GTF2B: variants seen among roughly 807,000 people sequenced by gnomAD.
The protein encoded by GTF2B is transcription initiation factor IIB.
In GTF2B, 20 loss-of-function variants were observed where a neutral mutation model predicts 34.6. That is an observed-to-expected ratio of 0.58 (90% CI 0.41 to 0.84). The LOEUF (loss-of-function observed/expected upper bound fraction) is 0.84, where lower values mean the gene tolerates loss of function less well. Ranked by LOEUF, GTF2B falls within the 40% of genes least tolerant of loss-of-function variation. The probability of loss-of-function intolerance (pLI) is 0.00; values close to 1 mark genes in which losing one functional copy is unlikely to be tolerated. For synonymous variants in GTF2B, 142 were observed against 132.4 expected (o/e 1.07, Z -0.50); for missense variants, 237 against 393.3 (o/e 0.60, Z 3.36).
At chr1:88,869,368 C>T (rs1371015290) in intron 2 of GTF2B, among the ~76,000 whole-genome samples, 2 of 152,166 alleles carry the variant, frequency 1.3e-5, no homozygotes, top group Non-Finnish European at 2.9e-5. Flanking sequence ...CCATTAGAAA[C>T]AACCCATCAA....
intron 3 of GTF2B, among the ~76,000 whole-genome samples, chr1:88,862,355 A>T (rs1450014167): frequency 2.0e-5 from 3 of 152,142 alleles, no homozygotes; most frequent in Non-Finnish European, 4.4e-5. Flanking sequence ...AAGCCTGGGC[A>T]ACATGGCGAA....
At chr1:88,885,369 G>T (rs1255929676) in intron 2 of GTF2B, among the ~76,000 whole-genome samples, 1 of 152,104 alleles carries the variant, frequency 6.6e-6, no homozygotes, top group Admixed American at 6.6e-5. Context: ...GAAACTGGAA[G>T]GCAGAGGTTG....
chr1:88,891,010 C>A (rs887331889), intron 1 of GTF2B, among the ~76,000 whole-genome samples: 6 of 150,212 alleles, frequency 4.0e-5, no homozygotes, highest in Non-Finnish European at 8.8e-5. Flanking sequence ...ACGTTCCCAA[C>A]TTCCTAGCTG....
intron 2 of GTF2B, among the ~76,000 whole-genome samples, chr1:88,871,682 G>A (rs1441231105): frequency 2.0e-5 from 3 of 152,290 alleles, no homozygotes; most frequent in East Asian, 3.9e-4. Flanking sequence ...ATTTGGCACT[G>A]TATTTTGGAG....
At chr1:88,883,666 A>C (rs573058156) in intron 2 of GTF2B, among the ~76,000 whole-genome samples, 1 of 152,132 alleles carries the variant, frequency 6.6e-6, no homozygotes, top group Non-Finnish European at 1.5e-5. Context: ...TGTCTCAAAA[A>C]AAAAGTCACA....
At chr1:88,858,741 GTGAGCAACAC>G (rs1553162196) in intron 5 of GTF2B, 10 of 152,200 alleles carry the variant, frequency 6.6e-5, no homozygotes, top group Non-Finnish European at 1.0e-4. Context: ...GTGGAAGTCA[GTGAGCAACAC>G]TGAACAAATT....
At chr1:88,886,358 C>G (rs1674068450) in intron 2 of GTF2B, among the ~76,000 whole-genome samples, 1 of 152,142 alleles carries the variant, frequency 6.6e-6, no homozygotes, top group Non-Finnish European at 1.5e-5. Flanking sequence ...TGCTACAACT[C>G]CACCACAAGA....
intron 2 of GTF2B, among the ~76,000 whole-genome samples, chr1:88,869,031 G>A (rs1349934477): frequency 2.0e-5 from 3 of 152,026 alleles, no homozygotes; most frequent in South Asian, 2.1e-4. Context: ...GAGCCACCGC[G>A]CCCGGCCTGT....
chr1:88,857,157 A>G (rs1570717346), intron 6 of GTF2B, 49 bp downstream of exon 6: 1 of 1,519,670 alleles, frequency 6.6e-7, no homozygotes. Flanking sequence ...AAACAATCAC[A>G]TGCTGCAAAT....
chr1:88,859,115 C>T (rs1003947066), intron 5 of GTF2B, among the ~76,000 whole-genome samples: 1 of 152,120 alleles, frequency 6.6e-6, no homozygotes, highest in African/African-American at 2.4e-5. Context: ...ACCCAACCAC[C>T]TCGGCCTCCC....
Position 88,860,076 on chromosome 1 carries a change from T to G in GTF2B, c.405+64A>C, listed in dbSNP as rs1019216397. On this transcript the variant is annotated intron_variant, in intron 4 of 6. Coordinates refer to ENST00000370500, the MANE Select transcript of GTF2B (RefSeq NM_001514.6). ...AATTAGCTGCAATATCAAAATTTCA[T>G]GTGTTCATTAAATTATGCAAAGTCA... The G allele has an allele frequency of 5.0e-6, 8 of 1,610,324 alleles. No homozygotes were observed. In the African/African-American group the frequency reaches 9.4e-5, roughly 19 times the overall value.
chr1:88,882,310 C>CAAAAAAAAAAAAAAA (rs59699371), intron 2 of GTF2B, among the ~76,000 whole-genome samples: 5 of 36,020 alleles, frequency 1.4e-4, no homozygotes, highest in Admixed American at 8.2e-4. Context: ...ACTCTCACTC[C>CAAAAAAAAAAAAAAA]AAAAAAAAAA....
At chr1:88,884,616 C>G (rs1216025858) in intron 2 of GTF2B, among the ~76,000 whole-genome samples, 1 of 152,196 alleles carries the variant, frequency 6.6e-6, no homozygotes, top group African/African-American at 2.4e-5. Context: ...CACTTAGAAA[C>G]TTTAGTTGCA....
chr1:88,857,117 CTATT>C (rs1557652506), intron 6 of GTF2B, 85 bp downstream of exon 6: 6 of 1,231,818 alleles, frequency 4.9e-6, no homozygotes, highest in Non-Finnish European at 6.9e-6. Flanking sequence ...GGGTTTCTTG[CTATT>C]TACCCGGTTC....
At chr1:88,870,021 T>G (rs1160049382) in intron 2 of GTF2B, among the ~76,000 whole-genome samples, 1 of 150,972 alleles carries the variant, frequency 6.6e-6, no homozygotes, top group African/African-American at 2.4e-5. Context: ...TCCACCTCCC[T>G]GGTTCACGCC....
intron 6 of GTF2B, among the ~76,000 whole-genome samples, chr1:88,854,768 T>A (rs946214446): frequency 1.3e-5 from 2 of 152,232 alleles, no homozygotes; most frequent in Non-Finnish European, 2.9e-5. Context: ...AATGCTGGGA[T>A]TACAGTCATG....
chr1:88,882,047 C>A (rs962321337), intron 2 of GTF2B, among the ~76,000 whole-genome samples: 1 of 152,018 alleles, frequency 6.6e-6, no homozygotes, highest in Admixed American at 6.6e-5. Flanking sequence ...CCATAGCTCA[C>A]GCCTGTAAAC....
intron 2 of GTF2B, among the ~76,000 whole-genome samples, chr1:88,884,285 G>C (rs572915061): frequency 1.3e-5 from 2 of 152,042 alleles, no homozygotes; most frequent in African/African-American, 4.8e-5. Flanking sequence ...CTCAGCCTCC[G>C]AAAGTGCTGG....
At chr1:88,856,069 A>C (rs1362479778) in intron 6 of GTF2B, among the ~76,000 whole-genome samples, 1 of 152,060 alleles carries the variant, frequency 6.6e-6, no homozygotes, top group East Asian at 1.9e-4. Flanking sequence ...CAGGAGTTCG[A>C]GACAAGCCTG....
Sources: allele counts gnomAD v4.1 joint callset (sites outside exome capture counted in the v4.1 genomes callset), GRCh38; gene constraint gnomAD v4.1.1; transcripts MANE v1.5; gene names NCBI Gene and HGNC (gene_info 2026-07-23, HGNC 2026-07-21).